Variants in ALK observed in about 807,000 individuals in gnomAD.
The protein encoded by ALK is ALK tyrosine kinase receptor.
A neutral mutation model predicts 163.1 loss-of-function variants in ALK; 74 were observed. That is an observed-to-expected ratio of 0.45 (90% CI 0.38 to 0.55). The LOEUF is 0.55. Among genes scored for constraint, ALK ranks in the 20% least tolerant of loss-of-function variants. The pLI, the probability that ALK is intolerant of heterozygous loss-of-function variation, is 0.00. For synonymous variants in ALK, 960 were observed against 843.2 expected (o/e 1.14, Z -2.40); for missense variants, 2,063 against 2,105.3 (o/e 0.98, Z 0.39).
At chr2:29,678,128 C>G (rs967531641) in intron 3 of ALK, among the ~76,000 whole-genome samples, 6 of 151,866 alleles carry the variant, frequency 4.0e-5, no homozygotes, top group African/African-American at 1.4e-4. Flanking sequence ...CTTTTAAATT[C>G]TTTAGGGTCA....
intron 1 of ALK, among the ~76,000 whole-genome samples, chr2:29,799,399 G>A (rs1664404483): frequency 6.6e-6 from 1 of 152,166 alleles, no homozygotes; most frequent in African/African-American, 2.4e-5. Flanking sequence ...GGGTGCAGTG[G>A]CTCACACCTA....
intron 1 of ALK, among the ~76,000 whole-genome samples, chr2:29,839,854 G>C (rs1558512839): frequency 6.6e-6 from 1 of 152,094 alleles, no homozygotes; most frequent in Non-Finnish European, 1.5e-5. Context: ...TAATGATAAT[G>C]ATATAATAAT....
At chr2:29,314,387 A>T (rs1666772197) in intron 8 of ALK, among the ~76,000 whole-genome samples, 1 of 152,144 alleles carries the variant, frequency 6.6e-6, no homozygotes. Context: ...CCCCACAGCT[A>T]ATCCAACCTG....
At chr2:29,813,154 G>A (rs1664799559) in intron 1 of ALK, among the ~76,000 whole-genome samples, 1 of 152,164 alleles carries the variant, frequency 6.6e-6, no homozygotes, top group South Asian at 2.1e-4. Flanking sequence ...GAACATCCCA[G>A]TAAATACGGC....
intron 3 of ALK, among the ~76,000 whole-genome samples, chr2:29,535,369 C>A (rs2148161567): frequency 6.6e-6 from 1 of 152,338 alleles, no homozygotes; most frequent in Non-Finnish European, 1.5e-5. Flanking sequence ...CTGCTCTCAT[C>A]TCAACCAGCA....
chr2:29,573,751 G>C (rs1674445893), intron 3 of ALK, among the ~76,000 whole-genome samples: 1 of 152,138 alleles, frequency 6.6e-6, no homozygotes, highest in African/African-American at 2.4e-5. Flanking sequence ...CTTGACAGTG[G>C]GAATAGAACA....
intron 1 of ALK, among the ~76,000 whole-genome samples, chr2:29,806,088 A>C (rs1426286279): frequency 6.6e-6 from 1 of 152,190 alleles, no homozygotes; most frequent in African/African-American, 2.4e-5. Flanking sequence ...AAATATCCAG[A>C]TGTTTAAATA....
intron 3 of ALK, among the ~76,000 whole-genome samples, chr2:29,587,436 ACTT>A (rs56783882): frequency 0.32 from 49,241 of 151,992 alleles, 9,365 homozygotes; most frequent in East Asian, 0.55. Flanking sequence ...CTGAGAGATC[ACTT>A]CTTCTTCTGC....
At chr2:29,725,956 C>A (rs1462395951) in intron 1 of ALK, among the ~76,000 whole-genome samples, 1 of 152,210 alleles carries the variant, frequency 6.6e-6, no homozygotes, top group Admixed American at 6.5e-5. Context: ...GCAAGCACCT[C>A]CTGACTCATC....
intron 1 of ALK, among the ~76,000 whole-genome samples, chr2:29,821,178 A>G (rs1665038242): frequency 6.6e-6 from 1 of 152,168 alleles, no homozygotes; most frequent in African/African-American, 2.4e-5. Context: ...CTGTTGCCAG[A>G]GGAAGAAGAG....
rs75070239 is a variant in ALK, at chr2:29,218,919, G to A, written c.3645+1787C>T. Among the ~76,000 whole-genome samples, 1,484 of 152,332 alleles carry A rather than the reference G, an allele frequency of 9.7e-3. 23 individuals carry two copies. Among genetic ancestry groups the A allele is most frequent in the African/African-American group, 0.034 (1,412 of 41,562 alleles). Reference sequence around the variant, plus strand: ...AGATGCCTGGATGCCTGGCAGTGTTGGCTCTAAGGACACAACCTCATCTTG... The same window carrying A: ...AGATGCCTGGATGCCTGGCAGTGTTAGCTCTAAGGACACAACCTCATCTTG... On this transcript the variant is annotated intron_variant, in intron 23 of 28. Coordinates refer to ENST00000389048, the MANE Select transcript of ALK (RefSeq NM_004304.5).
chr2:29,884,528 G>C (rs751071200), intron 1 of ALK, among the ~76,000 whole-genome samples: 1 of 152,026 alleles, frequency 6.6e-6, no homozygotes, highest in Non-Finnish European at 1.5e-5. Flanking sequence ...TGCACTTTGG[G>C]GTAAATACGT....
intron 1 of ALK, among the ~76,000 whole-genome samples, chr2:29,892,891 G>C (rs1346279651): frequency 6.6e-6 from 1 of 152,202 alleles, no homozygotes; most frequent in Non-Finnish European, 1.5e-5. Context: ...GCACCCACTA[G>C]TCCATTTTTT....
At chr2:29,788,120 G>A (rs755020193) in intron 1 of ALK, among the ~76,000 whole-genome samples, 8 of 152,346 alleles carry the variant, frequency 5.3e-5, no homozygotes, top group Non-Finnish European at 8.8e-5. Flanking sequence ...CCTATGACCT[G>A]TCTATAAGGA....
chr2:29,884,048 A>C lies in ALK; in HGVS notation c.667+35945T>G, dbSNP rs72794332. ...AATTGAGAGAAATGTGAACAAATGTAAAGATGCAGCATTAAATCATAACTA... is the reference window on the plus strand; with the variant it reads ...AATTGAGAGAAATGTGAACAAATGTCAAGATGCAGCATTAAATCATAACTA... On this transcript the variant is annotated intron_variant, in intron 1 of 28. Transcript: ENST00000389048. 6.8e-3 allele frequency among the ~76,000 whole-genome samples: 1,042 copies of C among 152,360 alleles called. 6 individuals carry two copies. The highest frequency in any genetic ancestry group is 0.012 in the Non-Finnish European group (800 of 68,034).
At chr2:29,251,058 T>C (rs748420275) in intron 12 of ALK, 47 bp downstream of exon 12, 11 of 1,598,758 alleles carry the variant, frequency 6.9e-6, no homozygotes, top group Non-Finnish European at 9.4e-6. Context: ...TCCAGGCTTC[T>C]TCGGAAGGGG....
intron 11 of ALK, among the ~76,000 whole-genome samples, chr2:29,251,636 G>A (rs12998728): frequency 0.21 from 32,543 of 152,164 alleles, 3,847 homozygotes; most frequent in Middle Eastern, 0.39. Flanking sequence ...GCCCCTGCAG[G>A]TGGGACAGGC....
At chr2:29,709,264 T>TC (rs1284711705) in intron 2 of ALK, among the ~76,000 whole-genome samples, 1 of 152,162 alleles carries the variant, frequency 6.6e-6, no homozygotes, top group African/African-American at 2.4e-5. Flanking sequence ...GGAACTGGTC[T>TC]CCCCCTCAGA....
chr2:29,199,061 C>G (rs1034281139), intron 26 of ALK, among the ~76,000 whole-genome samples: 1 of 151,616 alleles, frequency 6.6e-6, no homozygotes, highest in African/African-American at 2.4e-5. Flanking sequence ...TCAAGTGATT[C>G]GCCTGCCTCA....
Sources: allele counts gnomAD v4.1 joint callset (sites outside exome capture counted in the v4.1 genomes callset), GRCh38; gene constraint gnomAD v4.1.1; transcripts MANE v1.5; gene names NCBI Gene and HGNC (gene_info 2026-07-23, HGNC 2026-07-21).